HSPG2: variants seen among roughly 807,000 people sequenced by gnomAD.
HSPG2 encodes heparan sulfate proteoglycan 2, also known as basement membrane-specific heparan sulfate proteoglycan core protein.
A neutral mutation model predicts 526.6 loss-of-function variants in HSPG2; 278 were observed. The observed-to-expected ratio is 0.53, with a 90% CI of 0.48 to 0.58. The LOEUF (loss-of-function observed/expected upper bound fraction) is 0.58, where lower values mean the gene tolerates loss of function less well. Ranked by LOEUF, HSPG2 falls within the 20% of genes least tolerant of loss-of-function variation. HSPG2 has a pLI of 0.00. For missense variants in HSPG2, 5,354 were observed against 6,099.5 expected (o/e 0.88, Z 4.07); for synonymous variants, 2,465 against 2,555.4 (o/e 0.96, Z 1.07).
chr1:21,874,679 G>T lies in HSPG2; in HGVS notation c.3465C>A (p.Thr1155=), dbSNP rs1025884278. The change falls in exon 27 of 97, where the codon ACC becomes ACA. Residue 1155 remains threonine (T), a synonymous_variant. Transcript: ENST00000374695. The part of the protein sequence containing the change: ...TRTPSGLYLG[T]CERCSCHGHS... The stretch of plus-strand genomic sequence containing the variant: ...GGCCATGGCAGCTGCAGCGTTCACA[G>T]GTACCCAGGTAGAGGCCACTGGGCG... 1.2e-6 allele frequency: 2 copies of T among 1,611,696 alleles called. No individual in the cohort carries two copies. Among genetic ancestry groups the T allele is most frequent in the Non-Finnish European group, 8.5e-7 (1 of 1,178,896 alleles).
intron 39 of HSPG2, 78 bp downstream of exon 39, chr1:21,861,679 G>A: frequency 7.6e-7 from 1 of 1,322,802 alleles, no homozygotes; most frequent in Non-Finnish European, 1.1e-6. Flanking sequence ...ACTTTTCTGA[G>A]CAACACCCTT....
Position 21,885,542 on chromosome 1 carries a change from C to T in HSPG2, c.1079-91G>A, listed in dbSNP as rs987810123. The T allele has an allele frequency of 8.9e-6, 13 of 1,466,418 alleles. No homozygotes were observed. In the East Asian group the frequency reaches 3.1e-4, roughly 35 times the overall value. 90.8% of individuals were successfully genotyped at this position (1,466,418 alleles called of 1,614,324 possible). ...CCACTCTCTCATCTTGCCCACATAA[C>T]CCACAGCGGCCCTCGCCATGCCTAG... On this transcript the variant is annotated intron_variant, in intron 9 of 96. Coordinates refer to ENST00000374695, the MANE Select transcript of HSPG2 (RefSeq NM_005529.7).
rs554968237 is a variant in HSPG2 at position 21,854,242 on chromosome 1, A to C, written c.6390T>G (p.Ile2130Met). The change falls in exon 50 of 97, where the codon ATT becomes ATG. Residue 2130 changes from isoleucine to methionine, a missense_variant. Physicochemically the swap from Ile to Met is conservative, Grantham distance 10. Coordinates refer to ENST00000374695, the MANE Select transcript of HSPG2 (RefSeq NM_005529.7). ...GGGTGCCGTGGAGCACAGACACAGT[A>C]ATGGAGGCCTCCTTGGGGCCCGATC... ...ENGSGPKEAS[I>M]TVSVLHGTHS... The C allele has an allele frequency of 8.8e-6, 14 of 1,596,710 alleles. No individual in the cohort carries two copies. The East Asian group carries it at 3.2e-4, about 36-fold the overall frequency.
At chr1:21,934,610 T>C (rs1339769541) in intron 1 of HSPG2, among the ~76,000 whole-genome samples, 1 of 152,008 alleles carries the variant, frequency 6.6e-6, no homozygotes, top group Non-Finnish European at 1.5e-5. Flanking sequence ...CTTTTTTTTT[T>C]TTTGAGACAG....
At position 21,850,277 on chromosome 1, in the gene HSPG2, G is replaced by T. The variant is rs1272025204; in HGVS notation, c.7295-85C>A. 2.5e-6 allele frequency: 4 copies of T among 1,610,154 alleles called. No homozygotes were observed. In the South Asian group the frequency reaches 3.3e-5, roughly 13 times the overall value. On this transcript the variant is annotated intron_variant, in intron 56 of 96. Transcript: ENST00000374695. ...TGGTCTCAAGGCAGGTGCAGTCTGC[G>T]GCTTGGCCTCCTGATCCTGCCGTTG...
At chr1:21,911,583 C>T (rs890392166) in intron 1 of HSPG2, among the ~76,000 whole-genome samples, 3 of 152,212 alleles carry the variant, frequency 2.0e-5, no homozygotes, top group Non-Finnish European at 4.4e-5. Flanking sequence ...TACCCAGTTC[C>T]CTGGGAAGCC....
At chr1:21,846,013 G>T in intron 64 of HSPG2, 95 bp downstream of exon 64, 1 of 1,434,942 alleles carries the variant, frequency 7.0e-7, no homozygotes, top group South Asian at 1.1e-5. Context: ...TTCTCGCCGA[G>T]TGCCAGAAAG....
At position 21,890,406 on chromosome 1, in the gene HSPG2, C is replaced by A; in HGVS notation, c.413+21G>T. 4.3e-6 allele frequency: 7 copies of A among 1,612,626 alleles called. No individual in the cohort carries two copies. Among genetic ancestry groups the A allele is most frequent in the Non-Finnish European group, 5.9e-6 (7 of 1,178,742 alleles). ...TTACCCGCTCAAGTCCCCCAGCAGC[C>A]CCCAGGGAGCCCCTTCTCACTTGAT... On this transcript the variant is annotated intron_variant, in intron 5 of 96. Coordinates refer to ENST00000374695, the MANE Select transcript of HSPG2 (RefSeq NM_005529.7). The surrounding 1 kb of genome is among the most constrained non-coding windows in gnomAD (Gnocchi z 4.1).
chr1:21,920,359 G>A (rs939850480), intron 1 of HSPG2, among the ~76,000 whole-genome samples: 2 of 149,582 alleles, frequency 1.3e-5, no homozygotes, highest in Non-Finnish European at 3.0e-5. Flanking sequence ...AACCCCACCC[G>A]CCTCGAGTAG....
At chr1:21,853,751 AAAAATAAAATAAAAT>A (rs60801691) in intron 50 of HSPG2, 6,546 of 148,346 alleles carry the variant, frequency 0.044, 227 homozygotes, top group African/African-American at 0.1. Context: ...TCTCTCTCAA[AAAAATAAAATAAAAT>A]AAAATAAAAT....
chr1:21,843,030 C>T, intron 66 of HSPG2, 109 bp from the exon 67 acceptor site: 2 of 1,301,112 alleles, frequency 1.5e-6, no homozygotes, highest in Non-Finnish European at 2.2e-6. Flanking sequence ...GGCGCGGTGG[C>T]TTGAGAGTGG....
chr1:21,865,604 G>T lies in HSPG2; in HGVS notation c.4314+113C>A. Reference sequence around the variant, plus strand: ...TGGGGGCATGGGCCTAACTCCCCCAGCCTGTGCCAGAAAACTGAGTGCTGG... The same window carrying T: ...TGGGGGCATGGGCCTAACTCCCCCATCCTGTGCCAGAAAACTGAGTGCTGG... On this transcript the variant is annotated intron_variant, in intron 34 of 96. Transcript: ENST00000374695. The surrounding 1 kb of genome is among the most constrained non-coding windows in gnomAD (Gnocchi z 5.4). The T allele has an allele frequency of 1.0e-6, 1 of 1,000,578 alleles. No individual in the cohort carries two copies. Among genetic ancestry groups the T allele is most frequent in the Non-Finnish European group, 1.6e-6 (1 of 626,672 alleles). The allele number at this position is 1,000,578 out of a possible 1,614,324, so 62.0% of individuals were successfully genotyped here. A position where few individuals can be genotyped will look rare whatever the true frequency, so the allele number is the denominator to read the frequency against.
chr1:21,837,803 A>G (rs1303953727), intron 74 of HSPG2, among the ~76,000 whole-genome samples: 2 of 152,136 alleles, frequency 1.3e-5, no homozygotes, highest in Non-Finnish European at 2.9e-5. Context: ...AACTCAGCCT[A>G]CATGGTTGGC....
At position 21,896,225 on chromosome 1, in the gene HSPG2, T is replaced by C. The variant is rs138518139; in HGVS notation, c.149A>G (p.His50Arg). Residue 50 changes from histidine to arginine, a missense_variant, in exon 2 of 97, where the codon CAT (histidine) becomes CGT (arginine). His to Arg is a conservative substitution (Grantham distance 29). Coordinates refer to ENST00000374695, the MANE Select transcript of HSPG2 (RefSeq NM_005529.7). ...GTCCTCATCATCAGAAAGGTACGAA[T>C]GTGTCCAGCGCATTTGGCTTGCTGT... ...TVTASQMRWT[H>R]SYLSDDEDML... is the part of the protein sequence containing the mutation. The C allele has an allele frequency of 1.2e-5, 20 of 1,613,822 alleles. No homozygotes were observed. Among genetic ancestry groups the C allele is most frequent in the Non-Finnish European group, 1.6e-5 (19 of 1,179,988 alleles).
intron 75 of HSPG2, among the ~76,000 whole-genome samples, chr1:21,835,980 T>G (rs1277569581): frequency 9.7e-6 from 1 of 102,658 alleles, no homozygotes; most frequent in African/African-American, 4.8e-5. Flanking sequence ...TAAGATTCCA[T>G]CTCAAAAAAA....
At position 21,872,615 on chromosome 1, in the gene HSPG2, C is replaced by T. The variant is rs1173536034; in HGVS notation, c.4029+5G>A. The T allele has an allele frequency of 1.3e-6, 2 of 1,581,382 alleles. No individual in the cohort carries two copies. Reference sequence around the variant, plus strand: ...CGCCTGGGGCTGGGCAGCACAGGCTCTCACCAGGTGGCGTGTGTAGGCAGA... The same window carrying T: ...CGCCTGGGGCTGGGCAGCACAGGCTTTCACCAGGTGGCGTGTGTAGGCAGA... On this transcript the variant is annotated splice_donor_5th_base_variant and intron_variant, in intron 32 of 96. Transcript: ENST00000374695. The surrounding 1 kb of genome is among the most constrained non-coding windows in gnomAD (Gnocchi z 5.5).
Position 21,858,220 on chromosome 1 carries a change from C to A in HSPG2, c.5294-835G>T, listed in dbSNP as rs893234708. Among the ~76,000 whole-genome samples the A allele has an allele frequency of 2.6e-5, 4 of 152,206 alleles. No homozygotes were observed. Among genetic ancestry groups the A allele is most frequent in the Admixed American group, 6.5e-5 (1 of 15,304 alleles). On this transcript the variant is annotated intron_variant, in intron 42 of 96. Transcript: ENST00000374695. This position sits in a 1 kb window ranked among gnomAD's most constrained non-coding sequence, Gnocchi z 4.2. ...AACCGCTCTTGTCAAAGCATGACCT[C>A]CAAGGGCTATTTCTCTGCCCTTATG...
rs536611030 is a variant in HSPG2 at position 21,893,655 on chromosome 1, G to T, written c.244+2267C>A. 1.4e-4 allele frequency among the ~76,000 whole-genome samples: 22 copies of T among 152,184 alleles called. No homozygotes were observed. The South Asian group carries it at 4.0e-3, about 27-fold the overall frequency. ...GCCACGGGCGGGCGGCCCAGGGGCT[G>T]CCCTGAGCCTGCAGAGTAGAGACAG... is the stretch of plus-strand genomic sequence containing the variant. On this transcript the variant is annotated intron_variant, in intron 3 of 96. Coordinates refer to ENST00000374695, the MANE Select transcript of HSPG2 (RefSeq NM_005529.7). The surrounding 1 kb of genome is among the most constrained non-coding windows in gnomAD (Gnocchi z 4.3).
chr1:21,861,016 C>T (rs756318614), intron 39 of HSPG2, among the ~76,000 whole-genome samples: 3 of 152,226 alleles, frequency 2.0e-5, no homozygotes, highest in Non-Finnish European at 4.4e-5. Context: ...GATGGGACTT[C>T]TCGTATTACC....
Sources: allele counts gnomAD v4.1 joint callset (sites outside exome capture counted in the v4.1 genomes callset), GRCh38; gene constraint gnomAD v4.1.1; non-coding constraint Gnocchi (gnomAD v3.1); transcripts MANE v1.5; gene names NCBI Gene and HGNC (gene_info 2026-07-23, HGNC 2026-07-21).